Variants in PGCKA1 observed in about 807,000 individuals in gnomAD.
PGCKA1 encodes the protein PDCD10 and GCKIII kinases-associated protein 1.
At chr4:37,457,038 G>A in the PGCKA1 span, among the ~76,000 whole-genome samples, 2 of 152,214 alleles carry the variant, frequency 1.3e-5, no homozygotes, top group African/African-American at 4.8e-5. Flanking sequence ...CAATGTTCAT[G>A]TGGATTCTAG....
At chr4:37,469,486 A>G in the PGCKA1 span, among the ~76,000 whole-genome samples, 1 of 152,186 alleles carries the variant, frequency 6.6e-6, no homozygotes, top group African/African-American at 2.4e-5. Flanking sequence ...TGCAAGTAGA[A>G]CAGGAAGGAA....
the PGCKA1 span, among the ~76,000 whole-genome samples, chr4:37,457,782 C>G: frequency 2.0e-5 from 3 of 152,318 alleles, no homozygotes; most frequent in Admixed American, 1.3e-4. Context: ...GAGTCACATA[C>G]TTAAGATTCC....
chr4:37,556,059 A>G, the PGCKA1 span, among the ~76,000 whole-genome samples: 67,756 of 151,874 alleles, frequency 0.45, 15,468 homozygotes, highest in African/African-American at 0.53. Context: ...CTTTCACTAC[A>G]GTTTTTGTTA....
chr4:37,510,210 T>C, the PGCKA1 span, among the ~76,000 whole-genome samples: 1 of 152,164 alleles, frequency 6.6e-6, no homozygotes, highest in Non-Finnish European at 1.5e-5. Context: ...CAGGATTGGT[T>C]CCTCGTTCCT....
At chr4:37,512,779 C>G in the PGCKA1 span, among the ~76,000 whole-genome samples, 1 of 151,916 alleles carries the variant, frequency 6.6e-6, no homozygotes, top group Non-Finnish European at 1.5e-5. Flanking sequence ...TAACACAGCA[C>G]TTTGTATTAC....
the PGCKA1 span, chr4:37,588,786 C>A: frequency 7.9e-7 from 1 of 1,270,260 alleles, no homozygotes; most frequent in Non-Finnish European, 1.1e-6. Flanking sequence ...AAAAGGCAAA[C>A]TTAATTCCTA....
At chr4:37,474,236 C>A in the PGCKA1 span, among the ~76,000 whole-genome samples, 2 of 152,250 alleles carry the variant, frequency 1.3e-5, no homozygotes, top group East Asian at 3.9e-4. Context: ...GCCCTCTTCC[C>A]TTCTTTCTTT....
At chr4:37,559,632 G>A in the PGCKA1 span, among the ~76,000 whole-genome samples, 48,853 of 151,616 alleles carry the variant, frequency 0.32, 8,362 homozygotes, top group East Asian at 0.52. Flanking sequence ...AGTTTCTCAG[G>A]CCCCATCCCA....
At chr4:37,593,105 C>T in the PGCKA1 span, among the ~76,000 whole-genome samples, 1 of 152,192 alleles carries the variant, frequency 6.6e-6, no homozygotes, top group Non-Finnish European at 1.5e-5. Context: ...AAAGTCTTGG[C>T]ATTGTTAATT....
the PGCKA1 span, among the ~76,000 whole-genome samples, chr4:37,462,905 G>A: frequency 1.4e-5 from 2 of 147,292 alleles, no homozygotes; most frequent in African/African-American, 2.5e-5. Flanking sequence ...CTGAGGCAGG[G>A]GTATGGCATG....
At chr4:37,511,717 A>T in the PGCKA1 span, among the ~76,000 whole-genome samples, 37,504 of 152,136 alleles carry the variant, frequency 0.25, 5,054 homozygotes, top group Non-Finnish European at 0.3. Context: ...GCTAGTGTCT[A>T]GTAGGCCACA....
chr4:37,482,448 C>T, the PGCKA1 span, among the ~76,000 whole-genome samples: 1 of 152,142 alleles, frequency 6.6e-6, no homozygotes, highest in African/African-American at 2.4e-5. Flanking sequence ...GCCCTGGAGA[C>T]CTGTGGAACT....
At chr4:37,476,340 C>T in the PGCKA1 span, among the ~76,000 whole-genome samples, 2 of 152,170 alleles carry the variant, frequency 1.3e-5, no homozygotes, top group African/African-American at 4.8e-5. Flanking sequence ...TTAAATTGCT[C>T]TATAGTCACA....
chr4:37,477,060 A>G, the PGCKA1 span, among the ~76,000 whole-genome samples: 1 of 151,902 alleles, frequency 6.6e-6, no homozygotes, highest in Non-Finnish European at 1.5e-5. Context: ...CCAAGGAAAA[A>G]AACATACGTT....
chr4:37,470,904 G>A, the PGCKA1 span, among the ~76,000 whole-genome samples: 20 of 152,032 alleles, frequency 1.3e-4, no homozygotes, highest in Admixed American at 9.8e-4. Context: ...TTAAAACTTC[G>A]ATAGTTCAGA....
chr4:37,514,345 G>C, the PGCKA1 span, among the ~76,000 whole-genome samples: 3 of 152,186 alleles, frequency 2.0e-5, no homozygotes, highest in African/African-American at 4.8e-5. Flanking sequence ...GAGTTTTGGT[G>C]AGGACAAATA....
chr4:37,479,647 G>A, the PGCKA1 span, among the ~76,000 whole-genome samples: 25 of 152,304 alleles, frequency 1.6e-4, no homozygotes, highest in East Asian at 4.4e-3. Flanking sequence ...GCAAAGGCTC[G>A]GTGGCAGGCA....
At chr4:37,482,802 A>G in the PGCKA1 span, among the ~76,000 whole-genome samples, 1 of 152,176 alleles carries the variant, frequency 6.6e-6, no homozygotes, top group African/African-American at 2.4e-5. Context: ...CAGCCTCAGG[A>G]CATGGTGCCC....
chr4:37,458,840 C>CATG, the PGCKA1 span, among the ~76,000 whole-genome samples: 1 of 152,210 alleles, frequency 6.6e-6, no homozygotes, highest in African/African-American at 2.4e-5. Flanking sequence ...GATGGAGAAT[C>CATG]ATGGCCTTTT....
Sources: gnomAD v4.1 joint callset for allele counts (sites outside exome capture counted in the v4.1 genomes callset) on GRCh38, gnomAD v4.1.1 for gene constraint, MANE v1.5 for transcripts, NCBI Gene and HGNC (gene_info 2026-07-23, HGNC 2026-07-21) for gene names.